Variants in HIVEP3 observed in about 807,000 individuals in gnomAD.
HIVEP3 encodes transcription factor HIVEP3.
Under a neutral mutation model 152.8 loss-of-function variants are expected in HIVEP3, and 49 were observed. The observed-to-expected ratio is 0.32, with a 90% CI of 0.26 to 0.41. The LOEUF (loss-of-function observed/expected upper bound fraction) is 0.41. Ranked by LOEUF, HIVEP3 falls within the 10% of genes least tolerant of loss-of-function variation. The probability of loss-of-function intolerance (pLI) is 1.00; values close to 1 mark genes in which losing one functional copy is unlikely to be tolerated. For missense variants in HIVEP3, 2,790 were observed against 3,103.3 expected, an observed-to-expected ratio of 0.90 and a Z score of 2.40; for synonymous variants, 1,269 against 1,289.0, an observed-to-expected ratio of 0.98 and a Z score of 0.33.
chr1:41,588,281 G>T (rs1425986136), intron 3 of HIVEP3, among the ~76,000 whole-genome samples: 8 of 152,176 alleles, frequency 5.3e-5, no homozygotes, highest in Admixed American at 5.2e-4. Flanking sequence ...ATCCTTTCAT[G>T]CAAGGATCTG....
At chr1:41,922,706 C>A (rs1644947566), upstream of HIVEP3, among the ~76,000 whole-genome samples, 1 of 151,600 alleles carries the variant, frequency 6.6e-6, no homozygotes, top group Non-Finnish European at 1.5e-5. Context: ...CTATCTCTTA[C>A]ATATATGTGT....
chr1:41,912,741 T>C (rs1644816433), intron 1 of HIVEP3, among the ~76,000 whole-genome samples: 1 of 152,232 alleles, frequency 6.6e-6, no homozygotes, highest in Non-Finnish European at 1.5e-5. Context: ...TTTTAAGTTC[T>C]TTACCAGACG....
At chr1:41,910,906 A>G (rs1248794293) in intron 1 of HIVEP3, among the ~76,000 whole-genome samples, 5 of 152,126 alleles carry the variant, frequency 3.3e-5, no homozygotes. Context: ...AACGTTGAAC[A>G]TGAAAGGCAA....
At chr1:41,975,278 A>G (rs1322563107) in intron 1 of HIVEP3, among the ~76,000 whole-genome samples, 1 of 152,148 alleles carries the variant, frequency 6.6e-6, no homozygotes, top group Non-Finnish European at 1.5e-5. Flanking sequence ...GCACTCCTCA[A>G]TAAACCTGCA....
intron 1 of HIVEP3, among the ~76,000 whole-genome samples, chr1:41,990,305 G>C (rs1313249480): frequency 6.7e-6 from 1 of 150,176 alleles, no homozygotes; most frequent in Non-Finnish European, 1.5e-5. Flanking sequence ...TTAGTCTGAT[G>C]GGCTTCCCTT....
chr1:41,949,406 T>C (rs577270062), intron 1 of HIVEP3, among the ~76,000 whole-genome samples: 2 of 152,352 alleles, frequency 1.3e-5, no homozygotes, highest in Admixed American at 1.3e-4. Flanking sequence ...CCTGGTCACC[T>C]TGCAAGACCA....
chr1:41,899,539 T>G (rs1255943930), intron 1 of HIVEP3, among the ~76,000 whole-genome samples: 1 of 152,120 alleles, frequency 6.6e-6, no homozygotes, highest in Non-Finnish European at 1.5e-5. Flanking sequence ...CCCGAGTAGC[T>G]GGGATTACAA....
At position 41,532,725 on chromosome 1, in the gene HIVEP3, T is replaced by C. The variant is rs543765617; in HGVS notation, c.5208-7815A>G. 7.9e-4 allele frequency among the ~76,000 whole-genome samples: 120 copies of C among 152,094 alleles called. 1 individual carries two copies. The highest frequency in any genetic ancestry group is 2.7e-3 in the African/African-American group (110 of 41,502). ...GGCTCTAGTGGCACCACCCCCGAGC[T>C]TGGGGGGAAGTGATGGAGGACTCTA... On this transcript the variant is annotated intron_variant, in intron 5 of 8. Transcript: ENST00000372583.
intron 3 of HIVEP3, among the ~76,000 whole-genome samples, chr1:41,605,033 A>C (rs1056026930): frequency 2.0e-5 from 3 of 148,874 alleles, no homozygotes; most frequent in African/African-American, 7.4e-5. Context: ...TGATCCCAGG[A>C]GGTAGAGGCT....
At chr1:41,743,081 G>A (rs908511100) in intron 1 of HIVEP3, among the ~76,000 whole-genome samples, 14 of 152,076 alleles carry the variant, frequency 9.2e-5, no homozygotes, top group Admixed American at 4.6e-4. Context: ...TTAACTGTAA[G>A]TGGATATTAG....
chr1:41,759,068 G>A (rs1043876311), intron 1 of HIVEP3, among the ~76,000 whole-genome samples: 1 of 152,052 alleles, frequency 6.6e-6, no homozygotes, highest in African/African-American at 2.4e-5. Flanking sequence ...GACTCAAATG[G>A]AAATTCCATA....
intron 3 of HIVEP3, among the ~76,000 whole-genome samples, chr1:41,592,730 G>A (rs996906139): frequency 6.6e-6 from 1 of 152,344 alleles, no homozygotes; most frequent in Middle Eastern, 3.4e-3. Context: ...GCAATTGTTG[G>A]TGGAAGCCCT....
intron 1 of HIVEP3, among the ~76,000 whole-genome samples, chr1:42,016,519 T>C (rs960919067): frequency 2.6e-5 from 4 of 152,120 alleles, no homozygotes; most frequent in African/African-American, 9.7e-5. Flanking sequence ...AGAGCCAGTG[T>C]TGACATTTTG....
At chr1:41,684,807 C>T (rs750311976) in intron 2 of HIVEP3, among the ~76,000 whole-genome samples, 3 of 152,224 alleles carry the variant, frequency 2.0e-5, no homozygotes, top group Non-Finnish European at 2.9e-5. Context: ...CATGCATCCT[C>T]TCATTTAATC....
chr1:41,919,000 A>G (rs61469269), upstream of HIVEP3, among the ~76,000 whole-genome samples: 4 of 152,334 alleles, frequency 2.6e-5, no homozygotes, highest in East Asian at 7.7e-4. The surrounding 1 kb of genome is among the most constrained non-coding windows in gnomAD (Gnocchi z 4.3). Context: ...CTCCCAGCGC[A>G]GGAAGCCAGT....
In HIVEP3 at chr1:41,840,411, G is replaced by A. The variant is rs540497894; in HGVS notation, c.-801+78002C>T. Among the ~76,000 whole-genome samples, 31 of 152,208 alleles carry A rather than the reference G, an allele frequency of 2.0e-4. No homozygotes were observed. The South Asian group carries it at 5.4e-3, about 26-fold the overall frequency. ...ACCTGATGACATCTCTACAAGCCAA[G>A]GTCACTAAGGATTGCCAGCAACCAC... On this transcript the variant is annotated intron_variant, in intron 1 of 8. Coordinates refer to ENST00000372583, the MANE Select transcript of HIVEP3 (RefSeq NM_024503.5).
chr1:41,749,429 T>TGTGTGTGTGTGTGTGTGTGA (rs1221879226), intron 1 of HIVEP3, among the ~76,000 whole-genome samples: 2 of 151,976 alleles, frequency 1.3e-5, no homozygotes, highest in East Asian at 3.9e-4. Flanking sequence ...TGTGTGTGTG[T>TGTGTGTGTGTGTGTGTGTGA]GTGATGGAGA....
At chr1:41,778,064 G>A (rs371273008) in intron 1 of HIVEP3, among the ~76,000 whole-genome samples, 2 of 152,136 alleles carry the variant, frequency 1.3e-5, no homozygotes, top group African/African-American at 4.8e-5. Context: ...TGTTGTTCTG[G>A]TAAACACAGC....
chr1:41,527,513 C>T (rs1434422908), intron 5 of HIVEP3, among the ~76,000 whole-genome samples: 1 of 134,092 alleles, frequency 7.5e-6, no homozygotes, highest in Admixed American at 7.4e-5. Flanking sequence ...ACTCACACAC[C>T]CCCGCCCTCA....
Sources: allele counts gnomAD v4.1 joint callset (sites outside exome capture counted in the v4.1 genomes callset), GRCh38; gene constraint gnomAD v4.1.1; non-coding constraint Gnocchi (gnomAD v3.1); transcripts MANE v1.5; gene names NCBI Gene and HGNC (gene_info 2026-07-23, HGNC 2026-07-21).